COG7: variants seen among roughly 807,000 people sequenced by gnomAD.
The protein encoded by COG7 is conserved oligomeric Golgi complex subunit 7.
Under a neutral mutation model 91.5 loss-of-function variants are expected in COG7, and 49 were observed. The observed-to-expected ratio is 0.54, with a 90% confidence interval of 0.43 to 0.68. The LOEUF (loss-of-function observed/expected upper bound fraction) is 0.68, where lower values mean the gene tolerates loss of function less well. COG7 is among the 30% of genes least tolerant of loss of function. COG7 has a pLI of 0.00. For synonymous variants in COG7, 365 were observed against 388.7 expected, an observed-to-expected ratio of 0.94 and a Z score of 0.72; for missense variants, 895 against 961.3, an observed-to-expected ratio of 0.93 and a Z score of 0.91.
At chr16:23,409,084 T>C (rs1487111466) in intron 11 of COG7, among the ~76,000 whole-genome samples, 1 of 126,464 alleles carries the variant, frequency 7.9e-6, no homozygotes, top group African/African-American at 3.4e-5. Flanking sequence ...TGTGTGTGTG[T>C]GTGTGCGTGC....
Position 23,398,132 on chromosome 16 carries a change from A to G in COG7, c.1804-3T>C. On this transcript the variant is annotated splice_region_variant and splice_polypyrimidine_tract_variant and intron_variant, in intron 13 of 16. Transcript: ENST00000307149. ...CCGATGCCAGCCGTATTCCAGCTCT[A>G]AGGGTGGAACGAGAGGACACAATCA... is the stretch of plus-strand genomic sequence containing the variant. 6.2e-7 allele frequency: 1 copy of G among 1,613,832 alleles called. No individual in the cohort carries two copies. The highest frequency in any genetic ancestry group is 8.5e-7 in the Non-Finnish European group (1 of 1,179,766).
intron 14 of COG7, among the ~76,000 whole-genome samples, chr16:23,397,493 G>A (rs1204773566): frequency 6.6e-6 from 1 of 152,186 alleles, no homozygotes; most frequent in African/African-American, 2.4e-5. Context: ...AGGGGTGAAT[G>A]GGGAGGGCAG....
chr16:23,426,834 A>AAAAAAAG (rs1555495229), intron 6 of COG7, among the ~76,000 whole-genome samples: 27 of 146,118 alleles, frequency 1.8e-4, no homozygotes, highest in East Asian at 4.0e-4. Flanking sequence ...AAAAAAAAAA[A>AAAAAAAG]AAAGAAAGAA....
At chr16:23,408,685 G>A (rs39815) in intron 11 of COG7, among the ~76,000 whole-genome samples, 10 of 151,712 alleles carry the variant, frequency 6.6e-5, no homozygotes, top group African/African-American at 1.7e-4. Context: ...CAGAAATTGC[G>A]TGACTTTCGG....
At chr16:23,394,079 CTT>C (rs1282542364) in intron 14 of COG7, among the ~76,000 whole-genome samples, 6 of 148,642 alleles carry the variant, frequency 4.0e-5, no homozygotes, top group African/African-American at 1.5e-4. Flanking sequence ...AAAAACCTGT[CTT>C]CTGGATTTGG....
intron 16 of COG7, chr16:23,391,960 A>T: frequency 8.9e-7 from 1 of 1,120,230 alleles, no homozygotes; most frequent in South Asian, 2.1e-5. Flanking sequence ...GAGAGCACCC[A>T]CCTCACAGGG....
At chr16:23,431,771 T>C (rs1344312894) in intron 6 of COG7, among the ~76,000 whole-genome samples, 1 of 145,082 alleles carries the variant, frequency 6.9e-6, no homozygotes, top group Non-Finnish European at 1.5e-5. Flanking sequence ...ATTGTGTCCC[T>C]GCACTCCAGC....
chr16:23,438,272 T>A (rs1964043631), intron 4 of COG7, among the ~76,000 whole-genome samples: 1 of 151,196 alleles, frequency 6.6e-6, no homozygotes, highest in South Asian at 2.1e-4. Flanking sequence ...TAAAATTGGG[T>A]AAAGGGCCAG....
At chr16:23,449,380 TTAAAA>T (rs373494185) in intron 1 of COG7, among the ~76,000 whole-genome samples, 55,298 of 134,438 alleles carry the variant, frequency 0.41, 11,922 homozygotes, top group Non-Finnish European at 0.48. Context: ...TAAAATTAAA[TTAAAA>T]TAAAATAAAA....
chr16:23,401,454 C>T (rs1458241583), intron 13 of COG7, among the ~76,000 whole-genome samples: 2 of 152,116 alleles, frequency 1.3e-5, no homozygotes, highest in South Asian at 4.1e-4. Flanking sequence ...GGGGGAAGCA[C>T]CACCCCTGTT....
chr16:23,408,728 A>G (rs182834146), intron 11 of COG7, among the ~76,000 whole-genome samples: 182 of 152,158 alleles, frequency 1.2e-3, no homozygotes, highest in African/African-American at 4.2e-3. Flanking sequence ...ACAGGCATAC[A>G]GTAGAGTGTG....
rs1963253871 is a variant in COG7 at position 23,394,534 on chromosome 16, A to G, written c.1888-1187T>C. 2.0e-5 allele frequency among the ~76,000 whole-genome samples: 3 copies of G among 151,750 alleles called. No individual in the cohort carries two copies. In the South Asian group the frequency reaches 6.2e-4, roughly 32 times the overall value. On this transcript the variant is annotated intron_variant, in intron 14 of 16. Coordinates refer to ENST00000307149, the MANE Select transcript of COG7 (RefSeq NM_153603.4). ...TGTTTTTTTTTTCTTCCTGCTACAT[A>G]TTCATTCCATGACATTCCTGTCACT...
In COG7 at chr16:23,392,417, C is replaced by T. The variant is rs1963214021; in HGVS notation, c.2109G>A (p.Leu703=). ...CCAGCTGCTTGGCAGAGTGTGGGCT[C>T]AGCTCAGGGATCTGTAGGATCGCAT... is the stretch of plus-strand genomic sequence containing the variant. ...YCDAILQIPE[L]SPHSAKQLAT... Residue 703 remains leucine, a synonymous_variant, in exon 16 of 17, where the codon CTG becomes CTA. Transcript: ENST00000307149. 6.2e-7 allele frequency: 1 copy of T among 1,614,178 alleles called. No homozygotes were observed. The highest frequency in any genetic ancestry group is 1.1e-5 in the South Asian group (1 of 91,082).
chr16:23,405,181 A>AC (rs1963439199), intron 12 of COG7, among the ~76,000 whole-genome samples: 1 of 152,212 alleles, frequency 6.6e-6, no homozygotes, highest in African/African-American at 2.4e-5. Flanking sequence ...AAGAGTTTAA[A>AC]GAAAAAAACC....
In COG7 at chr16:23,453,095, C is replaced by T; in HGVS notation, c.-101G>A. On this transcript the variant is annotated 5_prime_UTR_variant, in exon 1 of 17. Transcript: ENST00000307149. The stretch of plus-strand genomic sequence containing the variant: ...GAGCCTGCGAGAGCACCGAGGCTAG[C>T]CTCCGAGGCGAACCCCAGAAACGCC... The T allele has an allele frequency of 6.4e-7, 1 of 1,560,156 alleles. No individual in the cohort carries two copies. The highest frequency in any genetic ancestry group is 1.2e-5 in the South Asian group (1 of 86,040).
intron 11 of COG7, 68 bp from the exon 12 acceptor site, chr16:23,406,330 G>T: frequency 7.6e-7 from 1 of 1,320,834 alleles, no homozygotes. Context: ...GGAGCAGTCA[G>T]ATTGCTCCTT....
chr16:23,435,626 C>G (rs1409112561), intron 4 of COG7, among the ~76,000 whole-genome samples: 2 of 152,018 alleles, frequency 1.3e-5, no homozygotes, highest in Non-Finnish European at 1.5e-5. Context: ...CTGTCCGCCC[C>G]CTTCTGGCCA....
chr16:23,424,737 A>G lies in COG7; in HGVS notation c.1009+12T>C. ...AAGACAAGCTAGAGAACTGGCAGGA[A>G]GGAATGTTTACGTAGGTGGGGGAGC... On this transcript the variant is annotated intron_variant, in intron 7 of 16. Transcript: ENST00000307149. 3 of 1,613,918 alleles carry G rather than the reference A, an allele frequency of 1.9e-6. No homozygotes were observed. Among genetic ancestry groups the G allele is most frequent in the South Asian group, 1.1e-5 (1 of 91,080 alleles).
chr16:23,410,508 A>C, intron 10 of COG7, 148 bp from the exon 11 acceptor site: 1 of 725,344 alleles, frequency 1.4e-6, no homozygotes, highest in Non-Finnish European at 2.5e-6. Context: ...TGCTGGCCTG[A>C]AATGTTTCAT....
Sources: gnomAD v4.1 joint callset for allele counts (sites outside exome capture counted in the v4.1 genomes callset) on GRCh38, gnomAD v4.1.1 for gene constraint, MANE v1.5 for transcripts, NCBI Gene and HGNC (gene_info 2026-07-23, HGNC 2026-07-21) for gene names.